HAO1: variants seen among roughly 807,000 people sequenced by gnomAD.
The protein encoded by HAO1 is 2-Hydroxyacid oxidase 1.
Under a neutral mutation model 39.7 loss-of-function variants are expected in HAO1, and 34 were observed. That is an observed-to-expected ratio of 0.86 (90% CI 0.65 to 1.14). The LOEUF (loss-of-function observed/expected upper bound fraction) is 1.14, where lower values mean the gene tolerates loss of function less well. Ranked by LOEUF, HAO1 falls within the 50% of genes most tolerant of loss-of-function variation. The pLI, the probability that HAO1 is intolerant of heterozygous loss-of-function variation, is 0.00. For missense variants in HAO1, 479 were observed against 464.5 expected (o/e 1.03, Z -0.29); for synonymous variants, 172 against 173.2 (o/e 0.99, Z 0.05).
intron 2 of HAO1, among the ~76,000 whole-genome samples, chr20:7,923,588 C>G (rs1358950125): frequency 6.6e-6 from 1 of 152,134 alleles, no homozygotes; most frequent in African/African-American, 2.4e-5. Context: ...TGAGGGTCTT[C>G]AGAAGGGAAC....
chr20:7,917,833 CAA>C (rs2050314162), intron 2 of HAO1, among the ~76,000 whole-genome samples: 1 of 152,170 alleles, frequency 6.6e-6, no homozygotes, highest in African/African-American at 2.4e-5. Context: ...CAAAATGCTG[CAA>C]AACACACATA....
intron 7 of HAO1, among the ~76,000 whole-genome samples, chr20:7,884,860 C>T (rs903994753): frequency 9.2e-5 from 14 of 152,128 alleles, no homozygotes; most frequent in South Asian, 2.1e-4. Context: ...CCGTTCTGGC[C>T]GCCATGATCA....
intron 1 of HAO1, among the ~76,000 whole-genome samples, chr20:7,935,248 C>G (rs2050404897): frequency 6.6e-6 from 1 of 152,132 alleles, no homozygotes; most frequent in South Asian, 2.1e-4. Flanking sequence ...TTTGTCCAGT[C>G]ATTCCCAAGC....
chr20:7,920,422 G>A (rs1284946008), intron 2 of HAO1, among the ~76,000 whole-genome samples: 2 of 151,970 alleles, frequency 1.3e-5, no homozygotes, highest in Admixed American at 6.6e-5. Flanking sequence ...TTTTTTGTAG[G>A]GAGAACATTA....
At position 7,885,783 on chromosome 20, in the gene HAO1, C is replaced by A. The variant is rs1365833452; in HGVS notation, c.895G>T (p.Asp299Tyr). ...FLDGGVRKGT[D>Y]VLKALALGAK... ...CCAAGAGCCAGAGCTTTCAGAACAT[C>A]AGTGCCTTTCCGCACACCCCCGTCC... Residue 299 changes from aspartate to tyrosine, a missense_variant, in exon 6 of 8, where the codon GAT becomes TAT. Asp to Tyr is a radical substitution (Grantham distance 160). Transcript: ENST00000378789. 3 of 1,613,576 alleles carry A rather than the reference C, an allele frequency of 1.9e-6. No homozygotes were observed. The highest frequency in any genetic ancestry group is 3.3e-5 in the Admixed American group (2 of 60,012).
At chr20:7,894,485 T>A (rs58988726) in intron 5 of HAO1, among the ~76,000 whole-genome samples, 4,495 of 152,198 alleles carry the variant, frequency 0.03, 221 homozygotes, top group African/African-American at 0.099. Context: ...AACCAGAGAT[T>A]CTGATAAATA....
At chr20:7,895,486 T>C (rs925014435) in intron 4 of HAO1, among the ~76,000 whole-genome samples, 2 of 152,060 alleles carry the variant, frequency 1.3e-5, no homozygotes, top group African/African-American at 4.8e-5. Flanking sequence ...TACATTGACA[T>C]AAAGCGTGTT....
At chr20:7,928,636 C>T (rs989204843) in intron 2 of HAO1, among the ~76,000 whole-genome samples, 9 of 151,918 alleles carry the variant, frequency 5.9e-5, no homozygotes, top group African/African-American at 2.2e-4. Flanking sequence ...CTCCTTGGGA[C>T]GTGGCATTCA....
At chr20:7,936,552 G>GTGTT (rs1488706496) in intron 1 of HAO1, among the ~76,000 whole-genome samples, 7 of 148,192 alleles carry the variant, frequency 4.7e-5, no homozygotes, top group Non-Finnish European at 9.0e-5. Flanking sequence ...GTGTGTTCGC[G>GTGTT]CGCGCGCGCG....
chr20:7,907,128 A>T (rs1392638477), intron 3 of HAO1, among the ~76,000 whole-genome samples: 1 of 152,094 alleles, frequency 6.6e-6, no homozygotes, highest in African/African-American at 2.4e-5. Context: ...TTCCCAGCAG[A>T]TGAGTTGTCA....
Position 7,885,950 on chromosome 20 carries a change from G to A in HAO1, c.814-86C>T. The stretch of plus-strand genomic sequence containing the variant: ...CCTCCAAAAACCACTGACACATCCA[G>A]CTAGGGCTTAGAGTGAAAGAAGCCA... On this transcript the variant is annotated intron_variant, in intron 5 of 7. Coordinates refer to ENST00000378789, the MANE Select transcript of HAO1 (RefSeq NM_017545.3). 5 of 1,144,926 alleles carry A rather than the reference G, an allele frequency of 4.4e-6. No homozygotes were observed. The African/African-American group carries it at 4.6e-5, about 10-fold the overall frequency. 70.9% of individuals were successfully genotyped at this position (1,144,926 alleles called of 1,614,324 possible).
At chr20:7,895,331 AC>A (rs1204229078) in intron 4 of HAO1, 107 bp from the exon 5 acceptor site, 7 of 711,638 alleles carry the variant, frequency 9.8e-6, no homozygotes, top group African/African-American at 1.7e-5. Flanking sequence ...CCATCTGCAT[AC>A]CTGGGTCAAT....
chr20:7,910,368 G>A (rs2050273138), intron 3 of HAO1, among the ~76,000 whole-genome samples: 1 of 152,142 alleles, frequency 6.6e-6, no homozygotes, highest in Non-Finnish European at 1.5e-5. Context: ...TGTGTTTGTG[G>A]TTATTTGTTA....
rs2050134805 is a variant in HAO1, at chr20:7,883,148, G to A, written c.*445C>T. The A allele has an allele frequency of 6.1e-6, 1 of 163,966 alleles. No homozygotes were observed. Among genetic ancestry groups the A allele is most frequent in the South Asian group, 1.6e-4 (1 of 6,154 alleles). 10.2% of individuals were successfully genotyped at this position (163,966 alleles called of 1,614,324 possible). A position where few individuals can be genotyped will look rare whatever the true frequency, so the allele number is the denominator to read the frequency against. On this transcript the variant is annotated 3_prime_UTR_variant, in exon 8 of 8. Transcript: ENST00000378789. ...TCTCCAGTGCTACCTTCTCAAAGTT[G>A]TGAATCAGGCATTACCAACACTTTG...
At chr20:7,908,478 T>C (rs910974780) in intron 3 of HAO1, among the ~76,000 whole-genome samples, 1 of 152,078 alleles carries the variant, frequency 6.6e-6, no homozygotes. Flanking sequence ...TGACTTCCTT[T>C]AATAGAAAAC....
intron 2 of HAO1, among the ~76,000 whole-genome samples, chr20:7,921,665 CA>C (rs1457184211): frequency 1.3e-5 from 2 of 152,110 alleles, no homozygotes; most frequent in African/African-American, 4.8e-5. Flanking sequence ...GCATGTTCAT[CA>C]CAGCACTATT....
intron 4 of HAO1, among the ~76,000 whole-genome samples, chr20:7,898,945 TAAA>T (rs3215460): frequency 6.9e-6 from 1 of 145,192 alleles, no homozygotes; most frequent in Non-Finnish European, 1.5e-5. Context: ...AAGTCAAATG[TAAA>T]AAAAAAAAAA....
intron 2 of HAO1, among the ~76,000 whole-genome samples, chr20:7,930,672 A>G (rs549265447): frequency 1.9e-4 from 29 of 152,300 alleles, no homozygotes; most frequent in South Asian, 1.0e-3. Flanking sequence ...CTTCCAAGGA[A>G]CACTGGGTGA....
At chr20:7,923,722 G>A (rs1330467256) in intron 2 of HAO1, among the ~76,000 whole-genome samples, 1 of 152,116 alleles carries the variant, frequency 6.6e-6, no homozygotes, top group African/African-American at 2.4e-5. Flanking sequence ...GAATCACATG[G>A]GTATGTTAAC....
Sources: gnomAD v4.1 joint callset for allele counts (sites outside exome capture counted in the v4.1 genomes callset) on GRCh38, gnomAD v4.1.1 for gene constraint, MANE v1.5 for transcripts, NCBI Gene and HGNC (gene_info 2026-07-23, HGNC 2026-07-21) for gene names.